TRIM33: variants seen among roughly 807,000 people sequenced by gnomAD.
TRIM33 encodes the protein tripartite motif containing 33.
TRIM33 carries 20 observed loss-of-function variants against 125.4 expected under a neutral mutation model. The ratio of observed to expected loss-of-function variants is 0.16; its 90% CI spans 0.11 to 0.23. The LOEUF (loss-of-function observed/expected upper bound fraction) is 0.23, where lower values mean the gene tolerates loss of function less well. Among genes scored for constraint, TRIM33 ranks in the 10% least tolerant of loss-of-function variants. The probability of loss-of-function intolerance (pLI) is 1.00; values close to 1 mark genes in which losing one functional copy is unlikely to be tolerated. For synonymous variants in TRIM33, 564 were observed against 513.9 expected (o/e 1.10, Z -1.32); for missense variants, 920 against 1,411.4 (o/e 0.65, Z 5.58).
intron 1 of TRIM33, among the ~76,000 whole-genome samples, chr1:114,476,072 A>G (rs1190224275): frequency 6.6e-6 from 1 of 152,152 alleles, no homozygotes; most frequent in Admixed American, 6.5e-5. Flanking sequence ...TTCAAGTGAG[A>G]TATAAAAAAC....
intron 4 of TRIM33, among the ~76,000 whole-genome samples, chr1:114,444,870 T>A (rs147427717): frequency 6.6e-6 from 1 of 152,288 alleles, no homozygotes; most frequent in African/African-American, 2.4e-5. Flanking sequence ...ATGATCTAGA[T>A]GCTGTAATGA....
chr1:114,459,261 G>T (rs1649803266), intron 4 of TRIM33, among the ~76,000 whole-genome samples: 1 of 152,172 alleles, frequency 6.6e-6, no homozygotes, highest in Admixed American at 6.5e-5. Flanking sequence ...AAGGGCTGAA[G>T]GCTGAGATGA....
chr1:114,457,058 C>T (rs984334218), intron 4 of TRIM33, among the ~76,000 whole-genome samples: 1 of 152,142 alleles, frequency 6.6e-6, no homozygotes. Flanking sequence ...TGGGTATATC[C>T]GTGTTTTGAA....
chr1:114,506,977 A>G (rs949829118), intron 1 of TRIM33, among the ~76,000 whole-genome samples: 1 of 152,242 alleles, frequency 6.6e-6, no homozygotes, highest in Admixed American at 6.5e-5. Flanking sequence ...TAGCATTTTA[A>G]TAAGCTCTCT....
At chr1:114,415,642 T>A (rs915892217) in intron 11 of TRIM33, among the ~76,000 whole-genome samples, 6 of 152,210 alleles carry the variant, frequency 3.9e-5, no homozygotes, top group African/African-American at 1.2e-4. Flanking sequence ...GCTCACTGTT[T>A]TGACCCTGTT....
Position 114,424,600 on chromosome 1 carries a change from G to C in TRIM33, c.1851C>G (p.Leu617=). ...GPQYSMMQPH[L]QRQHSNPGHA... ...GTAACTCTAGGCATACTTGTCTTTG[G>C]AGGTGTGGCTGCATCATGGAATATT... Residue 617 remains leucine (L), a synonymous_variant, in exon 10 of 20, where the codon CTC becomes CTG. Transcript: ENST00000358465. 1 of 1,580,022 alleles carries C rather than the reference G, an allele frequency of 6.3e-7. No homozygotes were observed. The highest frequency in any genetic ancestry group is 8.6e-7 in the Non-Finnish European group (1 of 1,167,194).
intron 1 of TRIM33, among the ~76,000 whole-genome samples, chr1:114,479,575 G>A (rs1453866396): frequency 6.6e-6 from 1 of 152,130 alleles, no homozygotes; most frequent in East Asian, 1.9e-4. Flanking sequence ...CAAAATTTGA[G>A]AGAAAGTCAC....
Position 114,468,614 on chromosome 1 carries a change from A to T in TRIM33, c.527-4226T>A, listed in dbSNP as rs552120295. ...GATGAAGCTGAAGAAGGTGTAAAGGATCTTAAGATTGAAAAAATATTCAAG... is the reference window on the plus strand; with the variant it reads ...GATGAAGCTGAAGAAGGTGTAAAGGTTCTTAAGATTGAAAAAATATTCAAG... On this transcript the variant is annotated intron_variant, in intron 1 of 19. Coordinates refer to ENST00000358465, the MANE Select transcript of TRIM33 (RefSeq NM_015906.4). The T allele has an allele frequency of 7.1e-6, 3 of 420,668 alleles. No individual in the cohort carries two copies. The Admixed American group carries it at 1.0e-4, about 14-fold the overall frequency. The allele number at this position is 420,668 out of a possible 1,614,324, so 26.1% of individuals were successfully genotyped here.
At chr1:114,449,779 C>T (rs541957430) in intron 4 of TRIM33, among the ~76,000 whole-genome samples, 22 of 152,248 alleles carry the variant, frequency 1.4e-4, no homozygotes, top group African/African-American at 5.3e-4. Context: ...CATGAACTAC[C>T]ACATGCCAAA....
At chr1:114,421,942 G>A (rs1373598750) in intron 10 of TRIM33, among the ~76,000 whole-genome samples, 2 of 152,098 alleles carry the variant, frequency 1.3e-5, no homozygotes, top group Non-Finnish European at 2.9e-5. Context: ...TCAAACACCG[G>A]GGTAAGAGAA....
At position 114,420,493 on chromosome 1, in the gene TRIM33, A is replaced by G. The variant is rs573898830; in HGVS notation, c.2061+943T>C. 3.6e-5 allele frequency: 37 copies of G among 1,018,804 alleles called. No homozygotes were observed. In the South Asian group the frequency reaches 4.8e-4, roughly 13 times the overall value. The allele number at this position is 1,018,804 out of a possible 1,614,324, so 63.1% of individuals were successfully genotyped here. ...AAGGGAGTAACTAGCCTTTTAGCAA[A>G]AGTGATATTAATCCACCATTATTGT... On this transcript the variant is annotated intron_variant, in intron 11 of 19. Coordinates refer to ENST00000358465, the MANE Select transcript of TRIM33 (RefSeq NM_015906.4).
chr1:114,504,198 G>A (rs946490809), intron 1 of TRIM33, among the ~76,000 whole-genome samples: 10 of 150,626 alleles, frequency 6.6e-5, no homozygotes, highest in South Asian at 2.1e-4. Context: ...AGGGTCTCAC[G>A]CCATTGCCAA....
At chr1:114,407,195 CA>C in intron 13 of TRIM33, 95 bp from the exon 14 acceptor site, 2 of 1,040,170 alleles carry the variant, frequency 1.9e-6, no homozygotes, top group Non-Finnish European at 2.8e-6. Flanking sequence ...AAAGTGAAGA[CA>C]ATAGACAATT....
At chr1:114,466,339 GT>G (rs1650296985) in intron 1 of TRIM33, among the ~76,000 whole-genome samples, 1 of 152,130 alleles carries the variant, frequency 6.6e-6, no homozygotes. Context: ...AAGAATGAAC[GT>G]GACTATACTA....
At chr1:114,496,950 A>C (rs1652404396) in intron 1 of TRIM33, among the ~76,000 whole-genome samples, 1 of 152,262 alleles carries the variant, frequency 6.6e-6, no homozygotes, top group African/African-American at 2.4e-5. Context: ...CAGCACAGCT[A>C]TAGTGTAAGT....
chr1:114,420,875 A>G (rs981031525), intron 11 of TRIM33, among the ~76,000 whole-genome samples: 1 of 152,226 alleles, frequency 6.6e-6, no homozygotes, highest in East Asian at 1.9e-4. Flanking sequence ...ACTAAAATTT[A>G]TATCCAAAAG....
At chr1:114,426,471 T>G (rs191568996) in intron 8 of TRIM33, among the ~76,000 whole-genome samples, 67 of 152,212 alleles carry the variant, frequency 4.4e-4, no homozygotes, top group African/African-American at 1.6e-3. Context: ...ATAGCTAAAT[T>G]TGAATATAAT....
At chr1:114,408,545 T>G (rs1044129751) in intron 13 of TRIM33, 132 bp downstream of exon 13, 2 of 570,080 alleles carry the variant, frequency 3.5e-6, no homozygotes, top group African/African-American at 2.0e-5. Context: ...AGAAACAAGA[T>G]TGGCCATTAT....
At chr1:114,468,780 A>G in intron 1 of TRIM33, 1 of 374,304 alleles carries the variant, frequency 2.7e-6, no homozygotes, top group Non-Finnish European at 5.2e-6. Context: ...AAAAGATGAC[A>G]GTATCTCATT....
Sources: allele counts gnomAD v4.1 joint callset (sites outside exome capture counted in the v4.1 genomes callset), GRCh38; gene constraint gnomAD v4.1.1; transcripts MANE v1.5; gene names NCBI Gene and HGNC (gene_info 2026-07-23, HGNC 2026-07-21).